The following TNRC18 variants were observed in gnomAD, a reference collection of about 807,000 sequenced individuals.
TNRC18 encodes trinucleotide repeat containing 18, also known as trinucleotide repeat-containing gene 18 protein.
In TNRC18, 69 loss-of-function variants were observed where a neutral mutation model predicts 226.7. The ratio of observed to expected loss-of-function variants is 0.30; its 90% CI spans 0.25 to 0.37. TNRC18 has a LOEUF of 0.37. Among genes scored for constraint, TNRC18 ranks in the 10% least tolerant of loss-of-function variants. TNRC18 has a pLI of 1.00. For synonymous variants in TNRC18, 2,449 were observed against 1,927.6 expected (o/e 1.27, Z -7.09); for missense variants, 4,754 against 4,256.6 (o/e 1.12, Z -3.25).
chr7:5,367,453 G>T (rs1349266928), intron 11 of TNRC18, among the ~76,000 whole-genome samples: 1 of 151,140 alleles, frequency 6.6e-6, no homozygotes, highest in Non-Finnish European at 1.5e-5. Context: ...TTGAGATGGA[G>T]TTCCACTCTT....
Position 5,388,354 on chromosome 7 carries a change from G to C in TNRC18, c.1470C>G (p.Ala490=), listed in dbSNP as rs762302284. ...RGPAGPAAQQ[A]AKLFGLEPGR... ...CGGGCTCCAGGCCGAAGAGCTTGGC[G>C]GCCTGTTGGGCTGCAGGACCGGCTG... Residue 490 remains alanine, a synonymous_variant, in exon 5 of 30, where the codon GCC becomes GCG. Coordinates refer to ENST00000430969, the MANE Select transcript of TNRC18 (RefSeq NM_001080495.3). 1.3e-6 allele frequency: 2 copies of C among 1,576,280 alleles called. No individual in the cohort carries two copies. The highest frequency in any genetic ancestry group is 1.7e-6 in the Non-Finnish European group (2 of 1,163,968).
At chr7:5,325,759 C>T (rs1043156037) in intron 19 of TNRC18, among the ~76,000 whole-genome samples, 2 of 96,000 alleles carry the variant, frequency 2.1e-5, no homozygotes, top group East Asian at 6.5e-4. Flanking sequence ...TTTTTAGAGA[C>T]AAGGTCTCGC....
At chr7:5,405,353 G>A (rs1781394402) in intron 2 of TNRC18, among the ~76,000 whole-genome samples, 1 of 152,164 alleles carries the variant, frequency 6.6e-6, no homozygotes. Context: ...TGGATCACTT[G>A]AGGTCAGGAG....
chr7:5,328,346 G>T (rs1789151602), intron 19 of TNRC18, among the ~76,000 whole-genome samples: 1 of 152,078 alleles, frequency 6.6e-6, no homozygotes, highest in African/African-American at 2.4e-5. Flanking sequence ...AACATAAGGA[G>T]ACCCCACCCC....
intron 2 of TNRC18, 83 bp downstream of exon 2, chr7:5,420,977 C>A: frequency 6.6e-7 from 1 of 1,516,870 alleles, no homozygotes; most frequent in Non-Finnish European, 9.0e-7. Flanking sequence ...CGCCGAGCCC[C>A]GGCCGCGAGT....
At chr7:5,387,433 G>C (rs1429360887) in intron 5 of TNRC18, among the ~76,000 whole-genome samples, 1 of 152,214 alleles carries the variant, frequency 6.6e-6, no homozygotes, top group Non-Finnish European at 1.5e-5. Flanking sequence ...TGCACACAAA[G>C]ACTGAAAGCA....
chr7:5,410,310 C>CAAAAAA (rs1157425008), intron 2 of TNRC18, among the ~76,000 whole-genome samples: 20 of 65,994 alleles, frequency 3.0e-4, no homozygotes, highest in Admixed American at 4.9e-4. Flanking sequence ...GACTCTGTCT[C>CAAAAAA]AAAAAAAAAA....
intron 21 of TNRC18, 124 bp from the exon 22 acceptor site, chr7:5,321,314 G>T: frequency 1.5e-6 from 1 of 649,150 alleles, no homozygotes; most frequent in Non-Finnish European, 2.7e-6. Context: ...GGCCTGTGGG[G>T]CTGAGACGTG....
intron 18 of TNRC18, among the ~76,000 whole-genome samples, chr7:5,342,884 A>C (rs1790820476): frequency 6.6e-6 from 1 of 152,160 alleles, no homozygotes; most frequent in South Asian, 2.1e-4. Context: ...TATTCTAAGA[A>C]ATTGCCACAG....
intron 18 of TNRC18, among the ~76,000 whole-genome samples, chr7:5,338,435 AAAG>A (rs1180288826): frequency 6.6e-6 from 1 of 152,078 alleles, no homozygotes; most frequent in Non-Finnish European, 1.5e-5. Flanking sequence ...TACTAGCAAC[AAAG>A]AAGAACATTC....
Position 5,387,988 on chromosome 7 carries a change from G to C in TNRC18, c.1836C>G (p.Pro612=), listed in dbSNP as rs1346458528. The change falls in exon 5 of 30, where the codon CCC becomes CCG. Residue 612 remains proline, a synonymous_variant. Transcript: ENST00000430969. The part of the protein sequence containing the change: ...VRPGGCGKKS[P]FGGLGTMKPE... ...GTTTCATGGTGCCCAAACCTCCAAA[G>C]GGGCTCTTCTTGCCACAGCCACCAG... is the stretch of plus-strand genomic sequence containing the variant. 14 of 1,592,488 alleles carry C rather than the reference G, an allele frequency of 8.8e-6. No individual in the cohort carries two copies. The highest frequency in any genetic ancestry group is 1.3e-5 in the African/African-American group (1 of 74,586).
chr7:5,407,477 G>C (rs1781552474), intron 2 of TNRC18: 1 of 152,238 alleles, frequency 6.6e-6, no homozygotes, highest in African/African-American at 2.4e-5. Context: ...TCCCCACCAG[G>C]TGAGCAGATT....
Position 5,374,400 on chromosome 7 carries a change from C to A in TNRC18, c.2884G>T (p.Gly962Cys). 1 of 1,530,238 alleles carries A rather than the reference C, an allele frequency of 6.5e-7. No homozygotes were observed. Among genetic ancestry groups the A allele is most frequent in the Non-Finnish European group, 8.8e-7 (1 of 1,138,744 alleles). The allele number at this position is 1,530,238 out of a possible 1,614,324, so 94.8% of individuals were successfully genotyped here. Residue 962 changes from glycine (G) to cysteine (C), a missense_variant, in exon 10 of 30, where the codon GGC (glycine) becomes TGC (cysteine). Coordinates refer to ENST00000430969, the MANE Select transcript of TNRC18 (RefSeq NM_001080495.3). ...KRGLEAAGKA[G>C]LATAGPGLLP... is the part of the protein sequence containing the mutation. ...AGCCCGGGGCCGGCGGTGGCCAGGC[C>A]AGCCTTGCCCGCAGCCTCCAGGCCC...
At position 5,308,238 on chromosome 7, in the gene TNRC18, G is replaced by A; in HGVS notation, c.8775C>T (p.Gly2925=). The A allele has an allele frequency of 5.0e-6, 8 of 1,612,772 alleles. No homozygotes were observed. The highest frequency in any genetic ancestry group is 6.8e-6 in the Non-Finnish European group (8 of 1,179,522). Residue 2925 remains glycine (G), a synonymous_variant, in exon 30 of 30, where the codon GGC becomes GGT. Coordinates refer to ENST00000430969, the MANE Select transcript of TNRC18 (RefSeq NM_001080495.3). ...TCAGCATCTGCTCATACTGCTCCAG[G>A]CCCACCACCAGGCACTTGTGCGACA... ...QTVSHKCLVV[G]LEQYEQMLKT...
intron 27 of TNRC18, among the ~76,000 whole-genome samples, chr7:5,310,182 C>T (rs1213253740): frequency 6.6e-6 from 1 of 152,030 alleles, no homozygotes; most frequent in Admixed American, 6.6e-5. Context: ...GGATTACAGG[C>T]GTGAGCTACC....
chr7:5,421,609 C>T (rs1364157964), intron 1 of TNRC18, 120 bp from the exon 2 acceptor site: 2 of 152,244 alleles, frequency 1.3e-5, no homozygotes, highest in Non-Finnish European at 2.9e-5. Context: ...GGGGTGCCGA[C>T]TGAGTGGCCA....
chr7:5,392,369 A>G (rs1780362450), intron 3 of TNRC18, among the ~76,000 whole-genome samples: 1 of 152,174 alleles, frequency 6.6e-6, no homozygotes, highest in African/African-American at 2.4e-5. Context: ...AGGCTGTGGC[A>G]GGAGGATCTC....
In TNRC18 at chr7:5,330,593, A is replaced by G. The variant is rs73322656; in HGVS notation, c.6147+2029T>C. On this transcript the variant is annotated intron_variant, in intron 19 of 29. Transcript: ENST00000430969. ...AGAGAGCGGTTCATAGGAGAAACCC[A>G]CTTCACACAGTCCTGCATGGTAAGT... Among the ~76,000 whole-genome samples, 556 of 152,002 alleles carry G rather than the reference A, an allele frequency of 3.7e-3. 3 individuals are homozygous for G. The highest frequency in any genetic ancestry group is 0.012 in the African/African-American group (517 of 41,464).
At position 5,374,067 on chromosome 7, in the gene TNRC18, C is replaced by A; in HGVS notation, c.3217G>T (p.Ala1073Ser). 6.4e-7 allele frequency: 1 copy of A among 1,571,646 alleles called. No individual in the cohort carries two copies. The highest frequency in any genetic ancestry group is 1.2e-5 in the South Asian group (1 of 86,154). Residue 1073 changes from alanine to serine, a missense_variant, in exon 10 of 30, where the codon GCC (alanine) becomes TCC (serine). Coordinates refer to ENST00000430969, the MANE Select transcript of TNRC18 (RefSeq NM_001080495.3). ...LEKEAPSPFQALFSDIPPRYP... is the reference protein window; with the variant it reads ...LEKEAPSPFQSLFSDIPPRYP... Reference sequence around the variant, plus strand: ...AGCTGCATCCTACCTGAGAACAGGGCCTGGAAGGGGCTGGGGGCTTCCTTC... The same window carrying A: ...AGCTGCATCCTACCTGAGAACAGGGACTGGAAGGGGCTGGGGGCTTCCTTC...
Sources: gnomAD v4.1 joint callset for allele counts (sites outside exome capture counted in the v4.1 genomes callset) on GRCh38, gnomAD v4.1.1 for gene constraint, MANE v1.5 for transcripts, NCBI Gene and HGNC (gene_info 2026-07-23, HGNC 2026-07-21) for gene names.